ATG10: variants seen among roughly 807,000 people sequenced by gnomAD.
ATG10 encodes the protein ubiquitin-like-conjugating enzyme ATG10.
ATG10 carries 30 observed loss-of-function variants against 32.1 expected under a neutral mutation model. The ratio of observed to expected loss-of-function variants is 0.94; its 90% CI spans 0.70 to 1.27. The LOEUF (loss-of-function observed/expected upper bound fraction) is 1.27, where lower values mean the gene tolerates loss of function less well. ATG10 is among the 50% of genes most tolerant of loss of function. The pLI is 0.00. For missense variants in ATG10, 233 were observed against 262.3 expected (o/e 0.89, Z 0.77); for synonymous variants, 87 against 91.5 (o/e 0.95, Z 0.28).
chr5:82,009,611 A>G, intron 2 of ATG10: 2 of 1,589,084 alleles, frequency 1.3e-6, no homozygotes, highest in Non-Finnish European at 1.7e-6. Context: ...CGAGTTGTCC[A>G]CAGTCAGCAA....
At chr5:82,120,486 A>G (rs178957) in intron 3 of ATG10, among the ~76,000 whole-genome samples, 25,352 of 152,144 alleles carry the variant, frequency 0.17, 2,315 homozygotes, top group Middle Eastern at 0.25. Flanking sequence ...GGGAAAAACT[A>G]TAGAAAGAAT....
intron 2 of ATG10, among the ~76,000 whole-genome samples, chr5:82,006,885 C>T (rs938183892): frequency 1.3e-5 from 2 of 152,126 alleles, no homozygotes; most frequent in South Asian, 2.1e-4. Context: ...GACAGAGTCT[C>T]GCTCTGTCAC....
At chr5:82,242,869 C>G (rs894165777) in intron 5 of ATG10, 8 of 446,176 alleles carry the variant, frequency 1.8e-5, no homozygotes, top group African/African-American at 4.0e-5. Context: ...AATGCTGACA[C>G]ATAGGGAAAA....
At chr5:82,016,681 TTTTC>T (rs1473870828) in intron 2 of ATG10, among the ~76,000 whole-genome samples, 5 of 151,808 alleles carry the variant, frequency 3.3e-5, no homozygotes, top group African/African-American at 9.7e-5. Context: ...AGTGTGGTCA[TTTTC>T]TTTCTTTCTT....
At chr5:82,072,676 C>T (rs569785611) in intron 3 of ATG10, among the ~76,000 whole-genome samples, 18 of 152,190 alleles carry the variant, frequency 1.2e-4, no homozygotes, top group African/African-American at 2.4e-4. Context: ...TTTTAATTGC[C>T]GTTTATCCCA....
chr5:81,996,542 G>A (rs887011389), intron 2 of ATG10, among the ~76,000 whole-genome samples: 4 of 152,176 alleles, frequency 2.6e-5, no homozygotes, highest in Admixed American at 6.5e-5. Flanking sequence ...GCCTGGCTAT[G>A]CCTAGTTGTC....
intron 3 of ATG10, among the ~76,000 whole-genome samples, chr5:82,086,083 A>C (rs1387126571): frequency 6.6e-6 from 1 of 152,160 alleles, no homozygotes; most frequent in Non-Finnish European, 1.5e-5. Flanking sequence ...AGATTCAGTA[A>C]AAGGTGTTTG....
At chr5:82,085,974 A>G (rs1027236945) in intron 3 of ATG10, among the ~76,000 whole-genome samples, 1 of 152,186 alleles carries the variant, frequency 6.6e-6, no homozygotes, top group African/African-American at 2.4e-5. Context: ...AATAGATAAT[A>G]TTGAATTAAA....
intron 2 of ATG10, among the ~76,000 whole-genome samples, chr5:82,004,701 TGA>T (rs1166297666): frequency 1.3e-5 from 2 of 152,220 alleles, no homozygotes; most frequent in African/African-American, 4.8e-5. Flanking sequence ...TGACTCACGG[TGA>T]GTCTGACGAC....
intron 3 of ATG10, 73 bp from the exon 4 acceptor site, chr5:82,164,326 C>T: frequency 7.9e-7 from 1 of 1,260,926 alleles, no homozygotes. Flanking sequence ...AAGAAAATCT[C>T]CTCTTTTCCT....
chr5:82,100,000 G>GTTTTTT (rs869311526), intron 3 of ATG10, among the ~76,000 whole-genome samples: 6 of 58,956 alleles, frequency 1.0e-4, no homozygotes, highest in African/African-American at 2.1e-4. Flanking sequence ...CTTTTTCTGT[G>GTTTTTT]TTTTTTTTTT....
chr5:82,216,983 A>G (rs1745706673), intron 5 of ATG10, among the ~76,000 whole-genome samples: 1 of 151,468 alleles, frequency 6.6e-6, no homozygotes, highest in Admixed American at 6.6e-5. Flanking sequence ...TGAACCCGGG[A>G]GGTGGAGGTT....
chr5:82,200,221 G>C (rs1171357348), intron 5 of ATG10, among the ~76,000 whole-genome samples: 1 of 151,906 alleles, frequency 6.6e-6, no homozygotes, highest in Admixed American at 6.6e-5. Context: ...AGCATTGGAA[G>C]CATTTTATAC....
intron 2 of ATG10, among the ~76,000 whole-genome samples, chr5:82,013,314 A>G (rs1301024470): frequency 6.6e-6 from 1 of 152,104 alleles, no homozygotes; most frequent in Non-Finnish European, 1.5e-5. Flanking sequence ...GTGAGAACAT[A>G]CGATGTTTGG....
chr5:82,212,434 A>T (rs1745530215), intron 5 of ATG10, among the ~76,000 whole-genome samples: 1 of 152,168 alleles, frequency 6.6e-6, no homozygotes, highest in South Asian at 2.1e-4. Flanking sequence ...CTTTATTATC[A>T]ACTATCTTGA....
intron 2 of ATG10, among the ~76,000 whole-genome samples, chr5:82,049,821 A>G (rs891055137): frequency 9.9e-5 from 15 of 152,152 alleles, no homozygotes; most frequent in African/African-American, 3.6e-4. Flanking sequence ...AATCATATTT[A>G]TCACAGAGTG....
At chr5:82,056,173 T>G (rs1763588789) in intron 2 of ATG10, among the ~76,000 whole-genome samples, 1 of 152,166 alleles carries the variant, frequency 6.6e-6, no homozygotes, top group South Asian at 2.1e-4. Context: ...ATCTTCTATT[T>G]TTAAACTAAT....
intron 2 of ATG10, among the ~76,000 whole-genome samples, chr5:81,995,481 G>A (rs1290779394): frequency 6.6e-6 from 1 of 152,168 alleles, no homozygotes; most frequent in Non-Finnish European, 1.5e-5. Flanking sequence ...ACTGAAAACA[G>A]TAGAGAACTT....
At chr5:82,146,290 A>G (rs761997376) in intron 3 of ATG10, among the ~76,000 whole-genome samples, 1 of 152,058 alleles carries the variant, frequency 6.6e-6, no homozygotes, top group Non-Finnish European at 1.5e-5. Flanking sequence ...AATCCATGGA[A>G]ATTCTAATTG....
Sources: gnomAD v4.1 joint callset for allele counts (sites outside exome capture counted in the v4.1 genomes callset) on GRCh38, gnomAD v4.1.1 for gene constraint, MANE v1.5 for transcripts, NCBI Gene and HGNC (gene_info 2026-07-23, HGNC 2026-07-21) for gene names.